Variants in PCDHA1 observed in about 807,000 individuals in gnomAD.
PCDHA1 encodes the protein protocadherin alpha-1.
Under a neutral mutation model 61.3 loss-of-function variants are expected in PCDHA1, and 42 were observed. The observed-to-expected ratio is 0.69, with a 90% CI of 0.54 to 0.89. PCDHA1 has a LOEUF of 0.89. PCDHA1 is among the 40% of genes least tolerant of loss of function. The probability of loss-of-function intolerance (pLI) is 0.00; values close to 1 mark genes in which losing one functional copy is unlikely to be tolerated. For synonymous variants in PCDHA1, 610 were observed against 553.8 expected (o/e 1.10, Z -1.43); for missense variants, 1,256 against 1,235.3 (o/e 1.02, Z -0.25).
intron 1 of PCDHA1, chr5:140,858,049 G>C (rs181372488): frequency 6.3e-7 from 1 of 1,597,448 alleles, no homozygotes. Flanking sequence ...TGCTTGTGTC[G>C]CTTGTGGAGG....
At chr5:140,946,574 G>C (rs246054) in intron 1 of PCDHA1, among the ~76,000 whole-genome samples, 17 of 145,538 alleles carry the variant, frequency 1.2e-4, no homozygotes, top group African/African-American at 4.5e-4. Flanking sequence ...AATCAACTTA[G>C]GTGTTCATAG....
intron 1 of PCDHA1, chr5:140,883,703 G>C: frequency 6.2e-7 from 1 of 1,613,802 alleles, no homozygotes; most frequent in Non-Finnish European, 8.5e-7. Context: ...CACGGTGTCT[G>C]CTCAGGACGC....
At chr5:140,860,192 C>CATATATATATATATATATATAT (rs143984774) in intron 1 of PCDHA1, 4 of 146,814 alleles carry the variant, frequency 2.7e-5, no homozygotes, top group Admixed American at 6.8e-5. Context: ...GCTCTCCTTA[C>CATATATATATATATATATATAT]ATATATATCT....
intron 1 of PCDHA1, chr5:140,877,048 G>C (rs376952553): frequency 1.2e-5 from 19 of 1,612,558 alleles, no homozygotes; most frequent in African/African-American, 2.7e-5. Flanking sequence ...GCTAGACCAC[G>C]AGGAGCTGGA....
intron 1 of PCDHA1, among the ~76,000 whole-genome samples, chr5:140,895,617 G>T (rs782388218): frequency 6.6e-6 from 1 of 152,084 alleles, no homozygotes; most frequent in Non-Finnish European, 1.5e-5. Context: ...CTCATTGAGG[G>T]TGTTGTCTTT....
chr5:140,882,927 C>A, intron 1 of PCDHA1: 1 of 1,614,104 alleles, frequency 6.2e-7, no homozygotes. Context: ...GGAGGTAAAC[C>A]CGAGCTGACT....
At chr5:140,874,427 A>T (rs2054903457) in intron 1 of PCDHA1, among the ~76,000 whole-genome samples, 1 of 152,212 alleles carries the variant, frequency 6.6e-6, no homozygotes, top group African/African-American at 2.4e-5. Context: ...TTCTGAAGAG[A>T]AGCATGTCCT....
chr5:140,843,845 C>A (rs1191998999), intron 1 of PCDHA1: 1 of 1,001,508 alleles, frequency 1.0e-6, no homozygotes, highest in Non-Finnish European at 1.5e-6. Context: ...TTTTTAGAAA[C>A]CTTTTATAAT....
At chr5:140,993,460 T>A (rs1416332490) in intron 3 of PCDHA1, among the ~76,000 whole-genome samples, 1 of 104,506 alleles carries the variant, frequency 9.6e-6, no homozygotes, top group Non-Finnish European at 1.9e-5. Context: ...CTTCTTTCTT[T>A]CTCACACACA....
chr5:140,796,784 T>C (rs1423336381), intron 1 of PCDHA1: 16 of 1,614,028 alleles, frequency 9.9e-6, no homozygotes, highest in East Asian at 4.5e-5. Context: ...AACGCGTGGC[T>C]TTCGTACGAG....
chr5:140,865,572 A>T (rs2048923193), intron 1 of PCDHA1: 1 of 152,224 alleles, frequency 6.6e-6, no homozygotes, highest in African/African-American at 2.4e-5. Context: ...TCAGTAACTC[A>T]TGATAATAAA....
chr5:140,979,411 T>C (rs1422593406), intron 2 of PCDHA1, among the ~76,000 whole-genome samples: 1 of 152,204 alleles, frequency 6.6e-6, no homozygotes, highest in Non-Finnish European at 1.5e-5. Flanking sequence ...CTACCTTGTT[T>C]TTTTTTTAAT....
intron 1 of PCDHA1, among the ~76,000 whole-genome samples, chr5:140,954,268 A>C (rs1381458746): frequency 2.0e-5 from 3 of 152,224 alleles, no homozygotes; most frequent in African/African-American, 7.2e-5. Flanking sequence ...TCTTTATAAT[A>C]GGATGATTTA....
rs371820170 is a variant in PCDHA1, at chr5:140,871,346, C to T, written c.2394+82662C>T. 1.1e-5 allele frequency: 17 copies of T among 1,614,104 alleles called. No homozygotes were observed. Among genetic ancestry groups the T allele is most frequent in the African/African-American group, 4.0e-5 (3 of 74,954 alleles). ...TGCTCCCGCGCGGTGGGGAGCTGGT[C>T]ATACTCGCAGCAGAGGCGGCAGAGG... is the stretch of plus-strand genomic sequence containing the variant. On this transcript the variant is annotated intron_variant, in intron 1 of 3. Transcript: ENST00000504120.
chr5:140,827,955 C>G, intron 1 of PCDHA1: 1 of 1,286,520 alleles, frequency 7.8e-7, no homozygotes, highest in South Asian at 1.5e-5. Flanking sequence ...ATTCAAATTT[C>G]TTCTATTACT....
At chr5:140,874,372 A>C (rs1055265865) in intron 1 of PCDHA1, among the ~76,000 whole-genome samples, 1 of 152,362 alleles carries the variant, frequency 6.6e-6, no homozygotes, top group South Asian at 2.1e-4. Context: ...TAAACTCATG[A>C]AAGGTCTTTT....
chr5:140,881,145 A>G (rs1335769260), intron 1 of PCDHA1, among the ~76,000 whole-genome samples: 1 of 152,246 alleles, frequency 6.6e-6, no homozygotes, highest in Non-Finnish European at 1.5e-5. Context: ...TTATAACAAT[A>G]GATAAAAGTA....
At chr5:140,975,236 T>A (rs562846037) in intron 1 of PCDHA1, among the ~76,000 whole-genome samples, 84 of 152,334 alleles carry the variant, frequency 5.5e-4, no homozygotes, top group African/African-American at 1.9e-3. Context: ...TCACATGGAA[T>A]CCCTCTTATG....
At chr5:140,916,647 C>T (rs2077666767) in intron 1 of PCDHA1, among the ~76,000 whole-genome samples, 1 of 152,180 alleles carries the variant, frequency 6.6e-6, no homozygotes, top group African/African-American at 2.4e-5. Context: ...TGTGGCTGAG[C>T]TGGTATCCAA....
Sources: gnomAD v4.1 joint callset for allele counts (sites outside exome capture counted in the v4.1 genomes callset) on GRCh38, gnomAD v4.1.1 for gene constraint, MANE v1.5 for transcripts, NCBI Gene and HGNC (gene_info 2026-07-23, HGNC 2026-07-21) for gene names.